MAN1B1: variants seen among roughly 807,000 people sequenced by gnomAD.
MAN1B1 encodes mannosidase alpha class 1B member 1.
MAN1B1 carries 66 observed loss-of-function variants against 75.5 expected under a neutral mutation model. The observed-to-expected ratio is 0.87, with a 90% CI of 0.72 to 1.07. The LOEUF is 1.07. Among genes scored for constraint, MAN1B1 ranks in the 50% least tolerant of loss-of-function variants. MAN1B1 has a pLI of 0.00. For synonymous variants in MAN1B1, 453 were observed against 382.8 expected, an observed-to-expected ratio of 1.18 and a Z score of -2.14; for missense variants, 973 against 912.5, an observed-to-expected ratio of 1.07 and a Z score of -0.85.
Position 137,106,229 on chromosome 9 carries a change from G to C in MAN1B1, c.1359G>C (p.Leu453=), listed in dbSNP as rs768821878. 1.2e-6 allele frequency: 2 copies of C among 1,606,104 alleles called. No individual in the cohort carries two copies. The highest frequency in any genetic ancestry group is 3.4e-5 in the Admixed American group (2 of 58,826). The part of the protein sequence containing the change: ...INTHSGLFTH[L]GVFTLGARAD... Reference sequence around the variant, plus strand: ...CCCACAGTGGCCTCTTCACCCACCTGGGCGTATTCACGCTGGGCGCCAGGG... The same window carrying C: ...CCCACAGTGGCCTCTTCACCCACCTCGGCGTATTCACGCTGGGCGCCAGGG... The change falls in exon 9 of 13, where the codon CTG becomes CTC. Residue 453 remains leucine (L), a synonymous_variant. Transcript: ENST00000371589.
At chr9:137,091,424 C>A (rs906916655) in intron 3 of MAN1B1, among the ~76,000 whole-genome samples, 3 of 152,012 alleles carry the variant, frequency 2.0e-5, no homozygotes, top group African/African-American at 7.2e-5. Flanking sequence ...CAGACCCTGG[C>A]ACTTGTCTAG....
intron 3 of MAN1B1, among the ~76,000 whole-genome samples, chr9:137,095,339 G>A (rs1450193023): frequency 2.6e-5 from 4 of 151,466 alleles, no homozygotes; most frequent in African/African-American, 4.9e-5. Flanking sequence ...GTGAGCCACC[G>A]TGCCCAGCCA....
chr9:137,101,758 T>C (rs1264098689), intron 8 of MAN1B1, 86 bp downstream of exon 8: 1 of 1,420,612 alleles, frequency 7.0e-7, no homozygotes, highest in African/African-American at 1.4e-5. Flanking sequence ...TGTGTGTGTA[T>C]GTGCATGTGT....
At chr9:137,105,235 T>C (rs1831050918) in intron 8 of MAN1B1, 3 of 152,758 alleles carry the variant, frequency 2.0e-5, no homozygotes, top group Non-Finnish European at 4.4e-5. Flanking sequence ...TTGTTGCTCA[T>C]GTATTTGGCC....
chr9:137,108,727 G>C lies in MAN1B1; in HGVS notation c.*136G>C, dbSNP rs750768510. The C allele has an allele frequency of 1.7e-5, 14 of 815,930 alleles. No homozygotes were observed. The highest frequency in any genetic ancestry group is 2.3e-5 in the Non-Finnish European group (11 of 476,044). 50.5% of individuals were successfully genotyped at this position (815,930 alleles called of 1,614,324 possible). On this transcript the variant is annotated 3_prime_UTR_variant, in exon 13 of 13. Coordinates refer to ENST00000371589, the MANE Select transcript of MAN1B1 (RefSeq NM_016219.5). ...CTGAACTGGCTCTGGGCTCCTCCTC[G>C]TCTCTGCTTTAATCAGGACACCGTG...
At chr9:137,092,367 T>G (rs1051554710) in intron 3 of MAN1B1, among the ~76,000 whole-genome samples, 18 of 152,190 alleles carry the variant, frequency 1.2e-4, no homozygotes, top group African/African-American at 4.3e-4. Context: ...TAATTTTATT[T>G]GGATAAACAC....
Position 137,108,938 on chromosome 9 carries a change from C to T in MAN1B1, c.*347C>T, listed in dbSNP as rs1831220991. 1 of 491,494 alleles carries T rather than the reference C, an allele frequency of 2.0e-6. No homozygotes were observed. Among genetic ancestry groups the T allele is most frequent in the Non-Finnish European group, 4.0e-6 (1 of 250,682 alleles). 30.4% of individuals were successfully genotyped at this position (491,494 alleles called of 1,614,324 possible). On this transcript the variant is annotated 3_prime_UTR_variant, in exon 13 of 13. Coordinates refer to ENST00000371589, the MANE Select transcript of MAN1B1 (RefSeq NM_016219.5). The stretch of plus-strand genomic sequence containing the variant: ...GTACTGGGGTGACCGAGTGGACAGC[C>T]CAGGGTGCAGCTCTGCCCGGGCTCG...
At position 137,104,636 on chromosome 9, in the gene MAN1B1, C is replaced by T. The variant is rs190032450; in HGVS notation, c.1255-1489C>T. 2.5e-3 allele frequency: 422 copies of T among 169,758 alleles called. 1 individual carries two copies. The highest frequency in any genetic ancestry group is 8.4e-3 in the African/African-American group (351 of 41,782). 10.5% of individuals were successfully genotyped at this position (169,758 alleles called of 1,614,324 possible). The stretch of plus-strand genomic sequence containing the variant: ...TTCAGGCTGAATATCTGCTGCGTGG[C>T]TAGGCCACTTTTTGTTTAATCCTCT... On this transcript the variant is annotated intron_variant, in intron 8 of 12. Coordinates refer to ENST00000371589, the MANE Select transcript of MAN1B1 (RefSeq NM_016219.5).
chr9:137,097,110 C>T (rs1050135223), intron 4 of MAN1B1, among the ~76,000 whole-genome samples: 1 of 152,190 alleles, frequency 6.6e-6, no homozygotes, highest in Non-Finnish European at 1.5e-5. Context: ...GGGGTCCTCA[C>T]GGCCAGGAGG....
intron 3 of MAN1B1, chr9:137,089,376 C>G (rs541700652): frequency 1.7e-4 from 58 of 348,192 alleles, no homozygotes; most frequent in Non-Finnish European, 2.9e-4. Flanking sequence ...TGGTGAAGAA[C>G]AGTGGCTGGT....
At position 137,099,830 on chromosome 9, in the gene MAN1B1, C is replaced by T. The variant is rs1830759023; in HGVS notation, c.865C>T (p.Leu289Phe). 1.2e-6 allele frequency: 2 copies of T among 1,614,230 alleles called. No homozygotes were observed. The highest frequency in any genetic ancestry group is 1.6e-4 in the Middle Eastern group (1 of 6,062). Residue 289 changes from leucine (L) to phenylalanine (F), a missense_variant, in exon 6 of 13, where the codon CTC (leucine) becomes TTC (phenylalanine). By Grantham distance (22) the Leu-to-Phe change is conservative (BLOSUM62 0). Transcript: ENST00000371589. Reference sequence around the variant, plus strand: ...CTTCAGTGAGTGGTTTGGCCTCGGTCTCACACTGATCGACGCGCTGGACAC... The same window carrying T: ...CTTCAGTGAGTGGTTTGGCCTCGGTTTCACACTGATCGACGCGCTGGACAC... ...RSFSEWFGLG[L>F]TLIDALDTMW... is the part of the protein sequence containing the mutation.
intron 5 of MAN1B1, 84 bp from the exon 6 acceptor site, chr9:137,099,612 C>T (rs1418532237): frequency 3.4e-6 from 5 of 1,457,326 alleles, no homozygotes; most frequent in Non-Finnish European, 1.9e-6. Context: ...ATGGGGGTCA[C>T]AGCAGTGCTC....
In MAN1B1 at chr9:137,087,338, C is replaced by A. The variant is rs550422740; in HGVS notation, c.219+120C>A. Reference sequence around the variant, plus strand: ...GACTCCCCAGGCGCCGCCCTCTCCACCCCTTCCCCGCAAAAAGGGGCAAAT... The same window carrying A: ...GACTCCCCAGGCGCCGCCCTCTCCAACCCTTCCCCGCAAAAAGGGGCAAAT... On this transcript the variant is annotated intron_variant, in intron 1 of 12. Coordinates refer to ENST00000371589, the MANE Select transcript of MAN1B1 (RefSeq NM_016219.5). 14 of 1,163,480 alleles carry A rather than the reference C, an allele frequency of 1.2e-5. No individual in the cohort carries two copies. In the African/African-American group the frequency reaches 1.5e-4, roughly 13 times the overall value. 72.1% of individuals were successfully genotyped at this position (1,163,480 alleles called of 1,614,324 possible). A position where few individuals can be genotyped will look rare whatever the true frequency, so the allele number is the denominator to read the frequency against.
rs777688834 is a variant in MAN1B1, at chr9:137,087,208, C to T, written c.209C>T (p.Ser70Leu). The change falls in exon 1 of 13, where the codon TCG (serine) becomes TTG (leucine). Residue 70 changes from serine to leucine, a missense_variant. Coordinates refer to ENST00000371589, the MANE Select transcript of MAN1B1 (RefSeq NM_016219.5). ...AACAGCAAGAGTTGGCGGCGGCGCT[C>T]GTGCTGGAGGGTGAGGGTCGCGCCG... ...YDNSKSWRRR[S>L]CWRKWKQLSR... 9 of 1,578,912 alleles carry T rather than the reference C, an allele frequency of 5.7e-6. No homozygotes were observed. Among genetic ancestry groups the T allele is most frequent in the Non-Finnish European group, 6.9e-6 (8 of 1,162,936 alleles).
intron 3 of MAN1B1, among the ~76,000 whole-genome samples, chr9:137,091,533 T>A (rs1206618035): frequency 1.2e-4 from 18 of 146,906 alleles, no homozygotes; most frequent in African/African-American, 4.5e-4. Context: ...TTTTTTTTTT[T>A]TTTTTTTTTT....
Position 137,105,732 on chromosome 9 carries a change from C to G in MAN1B1, c.1255-393C>G. The stretch of plus-strand genomic sequence containing the variant: ...GCGTTTAATATCATCAGGAGCAACA[C>G]TGGGCTCAGAAGGCAGGCACACTTG... On this transcript the variant is annotated intron_variant, in intron 8 of 12. Coordinates refer to ENST00000371589, the MANE Select transcript of MAN1B1 (RefSeq NM_016219.5). The G allele has an allele frequency of 1.0e-5, 4 of 392,726 alleles. 1 individual carries two copies. The highest frequency in any genetic ancestry group is 7.7e-5 in the South Asian group (4 of 51,786). The allele number at this position is 392,726 out of a possible 1,614,324, so 24.3% of individuals were successfully genotyped here.
intron 3 of MAN1B1, among the ~76,000 whole-genome samples, chr9:137,095,328 C>T (rs1475196788): frequency 1.3e-5 from 2 of 151,536 alleles, no homozygotes; most frequent in East Asian, 2.0e-4. Flanking sequence ...GGATTACAGA[C>T]GTGAGCCACC....
chr9:137,106,079 A>G, intron 8 of MAN1B1, 46 bp from the exon 9 acceptor site: 1 of 1,506,156 alleles, frequency 6.6e-7, no homozygotes, highest in South Asian at 1.1e-5. Flanking sequence ...CTCACCCTGC[A>G]GCTCGGCCCT....
At chr9:137,097,498 C>T (rs919560668) in intron 4 of MAN1B1, among the ~76,000 whole-genome samples, 13 of 152,218 alleles carry the variant, frequency 8.5e-5, no homozygotes, top group African/African-American at 2.9e-4. Flanking sequence ...GTCACTAGTG[C>T]TCCTGTTTGG....
Sources: allele counts gnomAD v4.1 joint callset (sites outside exome capture counted in the v4.1 genomes callset), GRCh38; gene constraint gnomAD v4.1.1; transcripts MANE v1.5; gene names NCBI Gene and HGNC (gene_info 2026-07-23, HGNC 2026-07-21).